Variants in PATJ observed in about 807,000 individuals in gnomAD.
The protein encoded by PATJ is inaD-like protein.
PATJ carries 190 observed loss-of-function variants against 224.9 expected under a neutral mutation model. The observed-to-expected ratio is 0.84, with a 90% CI of 0.75 to 0.95. The LOEUF is 0.95. PATJ is among the 40% of genes least tolerant of loss of function. The pLI is 0.00. For synonymous variants in PATJ, 769 were observed against 820.3 expected (o/e 0.94, Z 1.07); for missense variants, 2,121 against 2,270.3 (o/e 0.93, Z 1.34).
At chr1:61,754,764 A>C (rs1053651544) in intron 1 of PATJ, among the ~76,000 whole-genome samples, 1 of 152,018 alleles carries the variant, frequency 6.6e-6, no homozygotes, top group Non-Finnish European at 1.5e-5. Context: ...AACCTTACTA[A>C]TTATGAGTCA....
intron 20 of PATJ, among the ~76,000 whole-genome samples, chr1:61,868,483 T>G (rs1665753848): frequency 6.6e-6 from 1 of 152,206 alleles, no homozygotes; most frequent in South Asian, 2.1e-4. Flanking sequence ...ATGTCAGAAT[T>G]TCCTCCCTTT....
intron 29 of PATJ, among the ~76,000 whole-genome samples, chr1:62,028,123 A>G (rs1648380238): frequency 1.3e-5 from 2 of 152,194 alleles, no homozygotes; most frequent in African/African-American, 4.8e-5. Context: ...TTTAGCTCTT[A>G]TATTAAGCCC....
chr1:61,747,137 GT>G (rs575001967), intron 1 of PATJ, among the ~76,000 whole-genome samples: 41 of 152,310 alleles, frequency 2.7e-4, no homozygotes, highest in African/African-American at 9.6e-4. Flanking sequence ...AACTTGGTAA[GT>G]TTTTTGAGAA....
chr1:62,128,761 C>T lies in PATJ; in HGVS notation c.5167-80C>T, dbSNP rs568203474. 44 of 979,410 alleles carry T rather than the reference C, an allele frequency of 4.5e-5. No homozygotes were observed. The East Asian group carries it at 9.2e-4, about 20-fold the overall frequency. The allele number at this position is 979,410 out of a possible 1,614,324, so 60.7% of individuals were successfully genotyped here. ...CAATAGCCACAAATGGGAAATAGGA[C>T]TCGCAAAGAATTTTAAGCATTCTTC... On this transcript the variant is annotated intron_variant, in intron 40 of 43. Coordinates refer to ENST00000642238, the MANE Select transcript of PATJ (RefSeq NM_001350145.3).
chr1:62,148,924 C>T (rs1210244669), intron 42 of PATJ, among the ~76,000 whole-genome samples: 1 of 151,872 alleles, frequency 6.6e-6, no homozygotes, highest in Non-Finnish European at 1.5e-5. Flanking sequence ...GTCAGGAGTT[C>T]GAGACCAGCC....
At chr1:61,830,083 C>T (rs1659034994) in intron 16 of PATJ, among the ~76,000 whole-genome samples, 1 of 152,106 alleles carries the variant, frequency 6.6e-6, no homozygotes, top group South Asian at 2.1e-4. Context: ...AAGATCTGGA[C>T]CAATCCTAAT....
chr1:61,883,757 TAAAAAA>T (rs66752201), intron 21 of PATJ, among the ~76,000 whole-genome samples: 1 of 113,942 alleles, frequency 8.8e-6, no homozygotes, highest in Non-Finnish European at 1.7e-5. Context: ...CTCCGTCTCT[TAAAAAA>T]AAAAAAAAAA....
intron 1 of PATJ, among the ~76,000 whole-genome samples, chr1:61,751,964 T>C (rs1645357086): frequency 6.6e-6 from 1 of 151,464 alleles, no homozygotes; most frequent in African/African-American, 2.4e-5. Context: ...CATGGAAAAA[T>C]CTTATCTCTA....
intron 28 of PATJ, among the ~76,000 whole-genome samples, chr1:61,998,995 G>A (rs1269616086): frequency 6.6e-6 from 1 of 151,978 alleles, no homozygotes; most frequent in East Asian, 1.9e-4. Flanking sequence ...TTTATGTGTG[G>A]TCTCTCCAGT....
chr1:61,813,334 C>CATATATATAGAT (rs1557689787), intron 14 of PATJ, among the ~76,000 whole-genome samples: 2 of 63,064 alleles, frequency 3.2e-5, no homozygotes, highest in African/African-American at 5.6e-5. Flanking sequence ...ATGGAATGTA[C>CATATATATAGAT]ATATATATAT....
chr1:62,058,775 G>A (rs988716847), intron 31 of PATJ, among the ~76,000 whole-genome samples: 16 of 152,096 alleles, frequency 1.1e-4, no homozygotes, highest in Admixed American at 9.2e-4. Context: ...GCAGCGTTTC[G>A]AGCTCTAGGC....
Position 61,864,346 on chromosome 1 carries a change from G to C in PATJ, c.2548G>C (p.Ala850Pro). The C allele has an allele frequency of 6.2e-7, 1 of 1,614,078 alleles. No individual in the cohort carries two copies. The highest frequency in any genetic ancestry group is 8.5e-7 in the Non-Finnish European group (1 of 1,179,938). Residue 850 changes from alanine to proline, a missense_variant, in exon 20 of 44, where the codon GCC (alanine) becomes CCC (proline). Transcript: ENST00000642238. Reference sequence around the variant, plus strand: ...AAAAGAGATAGAGCAAAGCAAGGAGGCCTGGGAGATGCATGAATTTCTGAC... The same window carrying C: ...AAAAGAGATAGAGCAAAGCAAGGAGCCCTGGGAGATGCATGAATTTCTGAC... ...QQKEIEQSKE[A>P]WEMHEFLTPR...
At chr1:61,976,193 G>C (rs1036456598) in intron 27 of PATJ, among the ~76,000 whole-genome samples, 1 of 151,954 alleles carries the variant, frequency 6.6e-6, no homozygotes, top group Non-Finnish European at 1.5e-5. Flanking sequence ...TGCTACTCTA[G>C]CAGAAGTGAA....
chr1:61,934,466 C>T (rs904416431), intron 27 of PATJ, among the ~76,000 whole-genome samples: 8 of 152,152 alleles, frequency 5.3e-5, no homozygotes, highest in Non-Finnish European at 1.2e-4. Flanking sequence ...GTAATAATCA[C>T]AGTCTCTTGA....
At chr1:61,838,112 T>C (rs1169177675) in intron 17 of PATJ, among the ~76,000 whole-genome samples, 2 of 152,188 alleles carry the variant, frequency 1.3e-5, no homozygotes, top group Admixed American at 1.3e-4. Context: ...TAAGTTTCTT[T>C]ATTAGCTCTT....
At chr1:61,966,267 C>T (rs1682123340) in intron 27 of PATJ, among the ~76,000 whole-genome samples, 2 of 152,128 alleles carry the variant, frequency 1.3e-5, no homozygotes, top group Admixed American at 6.5e-5. Flanking sequence ...CCTGCCAGTG[C>T]CTCCTTGTCT....
In PATJ at chr1:61,997,809, T is replaced by A. The variant is rs1558013914; in HGVS notation, c.3867+7445T>A. 4.3e-5 allele frequency among the ~76,000 whole-genome samples: 5 copies of A among 115,068 alleles called. No homozygotes were observed. In the South Asian group the frequency reaches 1.4e-3, roughly 32 times the overall value. 75.5% of individuals were successfully genotyped at this position (115,068 alleles called of 152,430 possible). A position where few individuals can be genotyped will look rare whatever the true frequency, so the allele number is the denominator to read the frequency against. On this transcript the variant is annotated intron_variant, in intron 28 of 43. Coordinates refer to ENST00000642238, the MANE Select transcript of PATJ (RefSeq NM_001350145.3). Reference sequence around the variant, plus strand: ...TTTTTTGTTTTGTTTTGTTTTGTTTTGTTTTGTTTTGTTTTAAAAAAAAAA... The same window carrying A: ...TTTTTTGTTTTGTTTTGTTTTGTTTAGTTTTGTTTTGTTTTAAAAAAAAAA...
intron 27 of PATJ, among the ~76,000 whole-genome samples, chr1:61,959,043 A>C (rs1442220140): frequency 6.6e-6 from 1 of 151,974 alleles, no homozygotes; most frequent in Non-Finnish European, 1.5e-5. Context: ...GAATGTGGGG[A>C]GGGGTATTTG....
At chr1:62,013,706 A>C (rs1400219169) in intron 28 of PATJ, among the ~76,000 whole-genome samples, 1 of 152,226 alleles carries the variant, frequency 6.6e-6, no homozygotes, top group Admixed American at 6.5e-5. Flanking sequence ...GGCTGAACAC[A>C]GTGGGGAAGA....
Sources: allele counts gnomAD v4.1 joint callset (sites outside exome capture counted in the v4.1 genomes callset), GRCh38; gene constraint gnomAD v4.1.1; transcripts MANE v1.5; gene names NCBI Gene and HGNC (gene_info 2026-07-23, HGNC 2026-07-21).